Variants in TOMM20 observed in about 807,000 individuals in gnomAD.
The protein encoded by TOMM20 is translocase of outer mitochondrial membrane 20.
Under a neutral mutation model 22.1 loss-of-function variants are expected in TOMM20, and 10 were observed. The observed-to-expected ratio is 0.45, with a 90% CI of 0.28 to 0.77. TOMM20 has a LOEUF of 0.77. Ranked by LOEUF, TOMM20 falls within the 30% of genes least tolerant of loss-of-function variation. The pLI is 0.13. For synonymous variants in TOMM20, 55 were observed against 61.4 expected, an observed-to-expected ratio of 0.90 and a Z score of 0.49; for missense variants, 121 against 172.2, an observed-to-expected ratio of 0.70 and a Z score of 1.66.
intron 2 of TOMM20, among the ~76,000 whole-genome samples, chr1:235,121,971 G>A (rs746679927): frequency 1.4e-4 from 22 of 152,140 alleles, no homozygotes; most frequent in Non-Finnish European, 2.6e-4. Flanking sequence ...ACAGGAAGTT[G>A]GAGTAAAGAA....
At chr1:235,116,903 A>C (rs946582640) in intron 3 of TOMM20, among the ~76,000 whole-genome samples, 1 of 152,044 alleles carries the variant, frequency 6.6e-6, no homozygotes. Flanking sequence ...TGGGAGGCCA[A>C]GGCGGGCGGA....
At chr1:235,123,658 C>G (rs1353390567) in intron 1 of TOMM20, among the ~76,000 whole-genome samples, 1 of 152,150 alleles carries the variant, frequency 6.6e-6, no homozygotes, top group African/African-American at 2.4e-5. Flanking sequence ...GCCATTTCAA[C>G]AGAAAAAGTA....
In TOMM20 at chr1:235,124,117, C is replaced by A. The variant is rs551849300; in HGVS notation, c.122-1745G>T. Among the ~76,000 whole-genome samples, 3 of 152,338 alleles carry A rather than the reference C, an allele frequency of 2.0e-5. No individual in the cohort carries two copies. The South Asian group carries it at 6.2e-4, about 32-fold the overall frequency. ...ATCCCAGCACTTTGGGAGGCCAAGG[C>A]GGGCGGATCACTGGAGGTCAGGAGT... On this transcript the variant is annotated intron_variant, in intron 1 of 4. Coordinates refer to ENST00000366607, the MANE Select transcript of TOMM20 (RefSeq NM_014765.3).
intron 3 of TOMM20, 85 bp downstream of exon 3, chr1:235,119,733 T>C: frequency 1.1e-6 from 1 of 881,780 alleles, no homozygotes; most frequent in South Asian, 2.0e-5. Flanking sequence ...ACAGCCAAAT[T>C]ACACAAACAA....
intron 3 of TOMM20, among the ~76,000 whole-genome samples, chr1:235,115,827 A>T (rs66843189): frequency 0.17 from 26,107 of 152,028 alleles, 2,511 homozygotes; most frequent in Middle Eastern, 0.25. Flanking sequence ...AACATTACCT[A>T]TGTGTAGGGA....
At chr1:235,127,791 A>T (rs919913789) in intron 1 of TOMM20, 3 of 512,598 alleles carry the variant, frequency 5.9e-6, no homozygotes, top group East Asian at 5.5e-5. Flanking sequence ...CCTCTGGTAG[A>T]CCTCTCTTAA....
chr1:235,128,306 A>T (rs1572134039), intron 1 of TOMM20, among the ~76,000 whole-genome samples: 1 of 152,156 alleles, frequency 6.6e-6, no homozygotes, highest in Non-Finnish European at 1.5e-5. Flanking sequence ...AAAAGAGACA[A>T]CCTCCTCCCC....
chr1:235,113,205 C>G (rs536421448), intron 4 of TOMM20, among the ~76,000 whole-genome samples: 1 of 152,292 alleles, frequency 6.6e-6, no homozygotes, highest in South Asian at 2.1e-4. Context: ...CTAATTTACA[C>G]ATAAGTTAAT....
In TOMM20 at chr1:235,122,495, C is replaced by A. The variant is rs533534732; in HGVS notation, c.122-123G>T. On this transcript the variant is annotated intron_variant, in intron 1 of 4. Coordinates refer to ENST00000366607, the MANE Select transcript of TOMM20 (RefSeq NM_014765.3). ...AACATTTCTAACTCTAGGAATCTAT[C>A]CCTCCCTGTGATCTGTCAAGAGCAT... 51 of 859,186 alleles carry A rather than the reference C, an allele frequency of 5.9e-5. No homozygotes were observed. The African/African-American group carries it at 8.3e-4, about 14-fold the overall frequency. 53.2% of individuals were successfully genotyped at this position (859,186 alleles called of 1,614,324 possible).
chr1:235,113,195 C>T (rs374824607), intron 4 of TOMM20, among the ~76,000 whole-genome samples: 110 of 152,290 alleles, frequency 7.2e-4, no homozygotes, highest in Non-Finnish European at 1.0e-3. Context: ...TCATTAACTC[C>T]TAATTTACAC....
At chr1:235,127,708 G>C (rs909556792) in intron 1 of TOMM20, 7 of 346,920 alleles carry the variant, frequency 2.0e-5, no homozygotes, top group Non-Finnish European at 4.1e-5. Flanking sequence ...CAACAAATTT[G>C]CTCTTCAATG....
chr1:235,113,612 CAG>C (rs777387525), intron 4 of TOMM20, among the ~76,000 whole-genome samples, 154 bp downstream of exon 4: 2 of 152,188 alleles, frequency 1.3e-5, no homozygotes, highest in African/African-American at 2.4e-5. Context: ...TGTTTCCCAC[CAG>C]AGAGGAAAAT....
intron 1 of TOMM20, among the ~76,000 whole-genome samples, chr1:235,125,314 A>C (rs1020734346): frequency 3.9e-5 from 6 of 152,104 alleles, no homozygotes; most frequent in Non-Finnish European, 8.8e-5. Context: ...TCCCGAGTTC[A>C]CGCCATTCTC....
At chr1:235,126,363 T>C (rs1039498545) in intron 1 of TOMM20, among the ~76,000 whole-genome samples, 1 of 146,602 alleles carries the variant, frequency 6.8e-6, no homozygotes, top group Non-Finnish European at 1.5e-5. Flanking sequence ...ACTCCTGACA[T>C]GAGGTGATCC....
At chr1:235,116,447 G>A (rs1304511895) in intron 3 of TOMM20, among the ~76,000 whole-genome samples, 1 of 151,942 alleles carries the variant, frequency 6.6e-6, no homozygotes, top group African/African-American at 2.4e-5. Context: ...GCTGAGGCAA[G>A]AGAATCGCTT....
Position 235,128,762 on chromosome 1 carries a change from GGAGCGGTGGGCCACGAACCCTCA to G in TOMM20, c.-70_-48del, listed in dbSNP as rs1661083140. 6.2e-7 allele frequency: 1 copy of G among 1,611,206 alleles called. No homozygotes were observed. The highest frequency in any genetic ancestry group is 1.7e-5 in the Admixed American group (1 of 59,928). On this transcript the variant is annotated 5_prime_UTR_variant, in exon 1 of 5. Transcript: ENST00000366607. The stretch of plus-strand genomic sequence containing the variant: ...GGACGGTGGCGGCAGGGACCGCGAA[GGAGCGGTGGGCCACGAACCCTCA>G]GAGCGGTCGGCGCAGCTCACACCCG...
At chr1:235,121,201 A>AC (rs1437406854) in intron 2 of TOMM20, among the ~76,000 whole-genome samples, 2 of 151,822 alleles carry the variant, frequency 1.3e-5, no homozygotes, top group East Asian at 3.9e-4. Context: ...CCATCTCAAA[A>AC]AAAAAAAAAA....
intron 1 of TOMM20, among the ~76,000 whole-genome samples, chr1:235,127,193 G>T (rs938504705): frequency 3.3e-5 from 5 of 152,160 alleles, no homozygotes; most frequent in Non-Finnish European, 7.3e-5. Flanking sequence ...AAGGCAGAAT[G>T]ACCACCAGCA....
At chr1:235,122,572 G>A (rs1221945289) in intron 1 of TOMM20, 200 bp from the exon 2 acceptor site, 9 of 419,382 alleles carry the variant, frequency 2.1e-5, no homozygotes, top group Non-Finnish European at 3.4e-5. Context: ...GCACTGGAGC[G>A]TTCTCCTTCC....
Sources: gnomAD v4.1 joint callset for allele counts (sites outside exome capture counted in the v4.1 genomes callset) on GRCh38, gnomAD v4.1.1 for gene constraint, MANE v1.5 for transcripts, NCBI Gene and HGNC (gene_info 2026-07-23, HGNC 2026-07-21) for gene names.